Variants in ARL8B observed in about 807,000 individuals in gnomAD.
ARL8B encodes the protein ARF like GTPase 8B, also known as ADP-ribosylation factor-like protein 8B.
Under a neutral mutation model 30.6 loss-of-function variants are expected in ARL8B, and 9 were observed. The observed-to-expected ratio is 0.29, with a 90% confidence interval of 0.18 to 0.51. ARL8B has a LOEUF of 0.51. Among genes scored for constraint, ARL8B ranks in the 20% least tolerant of loss-of-function variants. The pLI is 0.97. For synonymous variants in ARL8B, 74 were observed against 76.0 expected, an observed-to-expected ratio of 0.97 and a Z score of 0.14; for missense variants, 130 against 227.2, an observed-to-expected ratio of 0.57 and a Z score of 2.75.
At chr3:5,174,289 G>T in intron 5 of ARL8B, 55 bp from the exon 6 acceptor site, 2 of 1,257,878 alleles carry the variant, frequency 1.6e-6, no homozygotes, top group South Asian at 1.2e-5. Context: ...TGAACAAAGT[G>T]ATAAGTATGA....
intron 1 of ARL8B, among the ~76,000 whole-genome samples, chr3:5,152,232 A>G (rs530400891): frequency 1.1e-4 from 16 of 152,088 alleles, no homozygotes; most frequent in African/African-American, 3.6e-4. Context: ...AATTCTATCA[A>G]TTTTTGCTTT....
intron 1 of ARL8B, among the ~76,000 whole-genome samples, chr3:5,133,684 G>C (rs111373190): frequency 3.9e-5 from 6 of 152,326 alleles, no homozygotes; most frequent in African/African-American, 1.4e-4. Context: ...CCAGCACTTT[G>C]GGAGGCTGAG....
intron 1 of ARL8B, among the ~76,000 whole-genome samples, chr3:5,159,621 A>AAAAG (rs2054563820): frequency 6.6e-6 from 1 of 150,654 alleles, no homozygotes; most frequent in African/African-American, 2.5e-5. Flanking sequence ...AAAAAAAAAA[A>AAAAG]AAAAGAGAAA....
At position 5,170,851 on chromosome 3, in the gene ARL8B, C is replaced by T. The variant is rs2054666698; in HGVS notation, c.204+268C>T. On this transcript the variant is annotated intron_variant, in intron 2 of 6. Coordinates refer to ENST00000256496, the MANE Select transcript of ARL8B (RefSeq NM_018184.3). ...GTTCAAGTGATTCTCCTGCCTCAGCCTCCAAAATAGCTAAGATGACAGGCT... is the reference window on the plus strand; with the variant it reads ...GTTCAAGTGATTCTCCTGCCTCAGCTTCCAAAATAGCTAAGATGACAGGCT... 3 of 269,666 alleles carry T rather than the reference C, an allele frequency of 1.1e-5. No homozygotes were observed. In the South Asian group the frequency reaches 1.3e-4, roughly 12 times the overall value. 16.7% of individuals were successfully genotyped at this position (269,666 alleles called of 1,614,324 possible).
At chr3:5,172,250 C>G in intron 3 of ARL8B, 27 bp downstream of exon 3, 1 of 1,586,868 alleles carries the variant, frequency 6.3e-7, no homozygotes, top group Non-Finnish European at 8.6e-7. Flanking sequence ...TGTTTGTTTG[C>G]TTTTAAATCA....
chr3:5,155,433 C>A (rs1242011975), intron 1 of ARL8B, among the ~76,000 whole-genome samples: 1 of 152,118 alleles, frequency 6.6e-6, no homozygotes, highest in Non-Finnish European at 1.5e-5. Context: ...TGTTTATGTT[C>A]ATGTCTTTCA....
At position 5,174,226 on chromosome 3, in the gene ARL8B, T is replaced by C. The variant is rs1452073094; in HGVS notation, c.441-118T>C. The C allele has an allele frequency of 2.1e-5, 22 of 1,072,074 alleles. No individual in the cohort carries two copies. The East Asian group carries it at 5.0e-4, about 24-fold the overall frequency. 66.4% of individuals were successfully genotyped at this position (1,072,074 alleles called of 1,614,324 possible). A position where few individuals can be genotyped will look rare whatever the true frequency, so the allele number is the denominator to read the frequency against. ...ATCAGAGAAGTGAATCCTAACATTTTAGGATTGCTACGATGATTTCTTCAG... is the reference window on the plus strand; with the variant it reads ...ATCAGAGAAGTGAATCCTAACATTTCAGGATTGCTACGATGATTTCTTCAG... On this transcript the variant is annotated intron_variant, in intron 5 of 6. Transcript: ENST00000256496.
chr3:5,177,462 T>G (rs893736024), intron 6 of ARL8B, among the ~76,000 whole-genome samples: 3 of 150,852 alleles, frequency 2.0e-5, no homozygotes, highest in African/African-American at 7.3e-5. Flanking sequence ...TGAATTTCTT[T>G]TTTTTTTTTT....
intron 1 of ARL8B, among the ~76,000 whole-genome samples, chr3:5,143,296 C>T (rs1162937869): frequency 6.6e-6 from 1 of 152,160 alleles, no homozygotes; most frequent in Non-Finnish European, 1.5e-5. Context: ...GGGGCCAGCC[C>T]ATGTTTTCTT....
chr3:5,148,862 G>A (rs913898293), intron 1 of ARL8B, among the ~76,000 whole-genome samples: 2 of 152,166 alleles, frequency 1.3e-5, no homozygotes, highest in African/African-American at 4.8e-5. Flanking sequence ...CTCCCCAAAG[G>A]ACTATCTGGG....
At chr3:5,128,408 A>T in intron 1 of ARL8B, 1 of 451,034 alleles carries the variant, frequency 2.2e-6, no homozygotes, top group Non-Finnish European at 4.4e-6. Context: ...TCTACCTTCC[A>T]TAAAGTTTTC....
intron 1 of ARL8B, among the ~76,000 whole-genome samples, chr3:5,145,195 T>C (rs1403355548): frequency 6.6e-6 from 1 of 152,198 alleles, no homozygotes; most frequent in Non-Finnish European, 1.5e-5. Context: ...TTCAGTGATA[T>C]CTAAGCAGTT....
chr3:5,134,613 T>A (rs1417527239), intron 1 of ARL8B, among the ~76,000 whole-genome samples: 1 of 152,212 alleles, frequency 6.6e-6, no homozygotes, highest in African/African-American at 2.4e-5. Context: ...GTAGATAGTG[T>A]TAGAGTATCA....
chr3:5,172,221 T>C lies in ARL8B; in HGVS notation c.276T>C (p.Ile92=). 1 of 1,609,728 alleles carries C rather than the reference T, an allele frequency of 6.2e-7. No homozygotes were observed. Among genetic ancestry groups the C allele is most frequent in the Non-Finnish European group, 8.5e-7 (1 of 1,178,152 alleles). ...GGTATTGCAGAGGAGTCAATGCTATTGTGTAAGTGGTTTTTTTTTGTTTGT... is the reference window on the plus strand; with the variant it reads ...GGTATTGCAGAGGAGTCAATGCTATCGTGTAAGTGGTTTTTTTTTGTTTGT... ...WERYCRGVNA[I]VYMIDAADRE... Residue 92 remains isoleucine (I), a splice_region_variant and synonymous_variant, in exon 3 of 7, where the codon ATT becomes ATC. Transcript: ENST00000256496.
At chr3:5,163,521 TG>T (rs1382394520) in intron 1 of ARL8B, among the ~76,000 whole-genome samples, 1 of 152,220 alleles carries the variant, frequency 6.6e-6, no homozygotes, top group Admixed American at 6.5e-5. Flanking sequence ...ATTGTATATA[TG>T]ATTCTTGAAA....
intron 1 of ARL8B, among the ~76,000 whole-genome samples, chr3:5,142,974 G>T (rs542753362): frequency 1.3e-5 from 2 of 152,188 alleles, no homozygotes; most frequent in African/African-American, 4.8e-5. Context: ...TACCCACCCC[G>T]TGTTTACTGT....
chr3:5,177,452 TG>T (rs1443452067), intron 6 of ARL8B, among the ~76,000 whole-genome samples: 1 of 151,848 alleles, frequency 6.6e-6, no homozygotes, highest in Non-Finnish European at 1.5e-5. Context: ...AATTTTTTAG[TG>T]AATTTCTTTT....
At chr3:5,128,500 G>T (rs1196714200) in intron 1 of ARL8B, 1 of 452,574 alleles carries the variant, frequency 2.2e-6, no homozygotes, top group Non-Finnish European at 4.4e-6. Context: ...TTAAGAAGCT[G>T]TTAGAGTGCA....
intron 1 of ARL8B, among the ~76,000 whole-genome samples, chr3:5,136,868 C>T (rs1419320025): frequency 6.6e-6 from 1 of 152,146 alleles, no homozygotes; most frequent in East Asian, 1.9e-4. Context: ...ACTCATCGTT[C>T]AGGTCCCAGG....
Sources: allele counts gnomAD v4.1 joint callset (sites outside exome capture counted in the v4.1 genomes callset), GRCh38; gene constraint gnomAD v4.1.1; transcripts MANE v1.5; gene names NCBI Gene and HGNC (gene_info 2026-07-23, HGNC 2026-07-21).